SPDYA: variants seen among roughly 807,000 people sequenced by gnomAD.
SPDYA encodes the protein speedy/RINGO cell cycle regulator family member A, also known as speedy protein A.
In SPDYA, 11 loss-of-function variants were observed where a neutral mutation model predicts 36.7. The ratio of observed to expected loss-of-function variants is 0.30; its 90% CI spans 0.19 to 0.50. The LOEUF (loss-of-function observed/expected upper bound fraction) is 0.50, where lower values mean the gene tolerates loss of function less well. SPDYA is among the 20% of genes least tolerant of loss of function. SPDYA has a pLI of 0.98. For missense variants in SPDYA, 287 were observed against 370.9 expected, an observed-to-expected ratio of 0.77 and a Z score of 1.86; for synonymous variants, 115 against 118.7, an observed-to-expected ratio of 0.97 and a Z score of 0.20.
At chr2:28,812,878 A>AG (rs1667885548) in intron 1 of SPDYA, among the ~76,000 whole-genome samples, 1 of 150,934 alleles carries the variant, frequency 6.6e-6, no homozygotes, top group Non-Finnish European at 1.5e-5. Context: ...AAAAAAAAAA[A>AG]ATTAAAGGAT....
At position 28,850,486 on chromosome 2, in the gene SPDYA, C is replaced by T; in HGVS notation, c.*545C>T. On this transcript the variant is annotated 3_prime_UTR_variant, in exon 8 of 8. Transcript: ENST00000334056. ...CACAAAACTGTTAAAATATGAGTTA[C>T]TCTCTTTATTGTAAGTTTTTTCTTT... The T allele has an allele frequency of 1.1e-6, 1 of 927,452 alleles. No homozygotes were observed. Among genetic ancestry groups the T allele is most frequent in the Non-Finnish European group, 1.6e-6 (1 of 611,566 alleles). 57.5% of individuals were successfully genotyped at this position (927,452 alleles called of 1,614,324 possible). A position where few individuals can be genotyped will look rare whatever the true frequency, so the allele number is the denominator to read the frequency against.
chr2:28,813,661 C>T (rs1453401991), intron 1 of SPDYA, among the ~76,000 whole-genome samples: 4 of 151,850 alleles, frequency 2.6e-5, no homozygotes, highest in Non-Finnish European at 5.9e-5. Flanking sequence ...AAGCAATTCT[C>T]CTGTCTCAGC....
rs191393749 is a variant in SPDYA at position 28,836,243 on chromosome 2, A to G, written c.553-3929A>G. ...TAGAAGTTGCAGAGCCAGAACATCT[A>G]ATGACTTCCTAGTGTTCTCTTTTTT... On this transcript the variant is annotated intron_variant, in intron 6 of 7. Transcript: ENST00000334056. Among the ~76,000 whole-genome samples the G allele has an allele frequency of 1.2e-4, 18 of 152,326 alleles. No individual in the cohort carries two copies. The East Asian group carries it at 2.7e-3, about 23-fold the overall frequency.
At chr2:28,829,956 A>AG (rs1488021647) in intron 6 of SPDYA, among the ~76,000 whole-genome samples, 2 of 137,232 alleles carry the variant, frequency 1.5e-5, no homozygotes, top group Non-Finnish European at 3.1e-5. Context: ...AAAAAAAAAA[A>AG]AAAGAAAAGA....
At chr2:28,818,126 A>T (rs1163837766) in intron 3 of SPDYA, among the ~76,000 whole-genome samples, 1 of 152,122 alleles carries the variant, frequency 6.6e-6, no homozygotes, top group Non-Finnish European at 1.5e-5. Context: ...AGATCACGCC[A>T]CTGCACTCCA....
At chr2:28,825,623 C>T (rs1417749604) in intron 5 of SPDYA, among the ~76,000 whole-genome samples, 1 of 152,134 alleles carries the variant, frequency 6.6e-6, no homozygotes, top group Non-Finnish European at 1.5e-5. Flanking sequence ...TTCCACATTA[C>T]CTTTCACAAT....
chr2:28,841,778 G>C (rs530495324), intron 7 of SPDYA, among the ~76,000 whole-genome samples: 3 of 152,160 alleles, frequency 2.0e-5, no homozygotes, highest in South Asian at 4.1e-4. Context: ...AACACCTTCA[G>C]GCATATTTTT....
chr2:28,833,935 T>A (rs11685682), intron 6 of SPDYA, among the ~76,000 whole-genome samples: 63,814 of 151,904 alleles, frequency 0.42, 14,013 homozygotes, highest in East Asian at 0.77. Flanking sequence ...ATGAAAAAAA[T>A]TTTTTGCAAG....
At chr2:28,822,674 C>G (rs1209348354) in intron 5 of SPDYA, among the ~76,000 whole-genome samples, 3 of 152,038 alleles carry the variant, frequency 2.0e-5, no homozygotes, top group African/African-American at 4.8e-5. Flanking sequence ...GTGGCACAAT[C>G]CTGACTCACT....
At chr2:28,815,217 G>GGCTGCT (rs1172873351) in intron 2 of SPDYA, among the ~76,000 whole-genome samples, 1 of 151,588 alleles carries the variant, frequency 6.6e-6, no homozygotes, top group Non-Finnish European at 1.5e-5. Context: ...AGGAGGTCGA[G>GGCTGCT]GCTGCAGTGA....
At chr2:28,847,175 T>G (rs1338757473) in intron 7 of SPDYA, among the ~76,000 whole-genome samples, 1 of 151,992 alleles carries the variant, frequency 6.6e-6, no homozygotes, top group South Asian at 2.1e-4. Flanking sequence ...AAACCCTATC[T>G]CTACTAAAAA....
chr2:28,846,295 C>A (rs1421728415), intron 7 of SPDYA, among the ~76,000 whole-genome samples: 1 of 152,114 alleles, frequency 6.6e-6, no homozygotes, highest in Non-Finnish European at 1.5e-5. Flanking sequence ...GTAATTCCAG[C>A]TACTCCAGAG....
At chr2:28,840,042 T>G in intron 6 of SPDYA, 130 bp from the exon 7 acceptor site, 1 of 845,840 alleles carries the variant, frequency 1.2e-6, no homozygotes, top group South Asian at 2.0e-5. Context: ...AGTGCTTTGT[T>G]TTTTAAATCA....
At chr2:28,843,798 G>C (rs1006183537) in intron 7 of SPDYA, among the ~76,000 whole-genome samples, 2 of 152,036 alleles carry the variant, frequency 1.3e-5, no homozygotes, top group Admixed American at 6.6e-5. Context: ...AACAAGATGG[G>C]AACCCAGTTC....
intron 5 of SPDYA, among the ~76,000 whole-genome samples, chr2:28,822,842 G>C (rs574967633): frequency 5.3e-5 from 8 of 152,086 alleles, no homozygotes; most frequent in Admixed American, 1.3e-4. Flanking sequence ...TCCTGACCTC[G>C]TGATCTGCCC....
chr2:28,839,829 CCA>C (rs549006997), intron 6 of SPDYA, among the ~76,000 whole-genome samples: 128 of 152,246 alleles, frequency 8.4e-4, no homozygotes, highest in African/African-American at 3.0e-3. Context: ...CCAATACATT[CCA>C]AAGTTAAGAA....
At chr2:28,837,871 CACCTATATTATACT>C (rs1477394348) in intron 6 of SPDYA, among the ~76,000 whole-genome samples, 1 of 151,368 alleles carries the variant, frequency 6.6e-6, no homozygotes, top group African/African-American at 2.4e-5. Flanking sequence ...GTGCTTTTAA[CACCTATATTATACT>C]ACCTCTTGAG....
intron 4 of SPDYA, among the ~76,000 whole-genome samples, chr2:28,819,320 G>C (rs1668074714): frequency 6.6e-6 from 1 of 152,074 alleles, no homozygotes; most frequent in Non-Finnish European, 1.5e-5. Flanking sequence ...ACCAGCCTGG[G>C]CAACATAGTG....
At chr2:28,831,663 T>TA (rs1232073999) in intron 6 of SPDYA, among the ~76,000 whole-genome samples, 1 of 152,168 alleles carries the variant, frequency 6.6e-6, no homozygotes, top group East Asian at 1.9e-4. Context: ...TGTAATGAAG[T>TA]AAAAAATCTA....
Sources: gnomAD v4.1 joint callset for allele counts (sites outside exome capture counted in the v4.1 genomes callset) on GRCh38, gnomAD v4.1.1 for gene constraint, MANE v1.5 for transcripts, NCBI Gene and HGNC (gene_info 2026-07-23, HGNC 2026-07-21) for gene names.